TBC1D1: variants seen among roughly 807,000 people sequenced by gnomAD.
TBC1D1 encodes TBC1 (tre-2/USP6, BUB2, cdc16) domain family, member 1.
TBC1D1 carries 89 observed loss-of-function variants against 125.6 expected under a neutral mutation model. The observed-to-expected ratio is 0.71, with a 90% confidence interval of 0.60 to 0.85. The LOEUF is 0.85. TBC1D1 is among the 40% of genes least tolerant of loss of function. The pLI is 0.00. For synonymous variants in TBC1D1, 565 were observed against 564.1 expected (o/e 1.00, Z -0.02); for missense variants, 1,377 against 1,469.2 (o/e 0.94, Z 1.03).
intron 2 of TBC1D1, among the ~76,000 whole-genome samples, chr4:38,009,272 C>T (rs1296290508): frequency 6.6e-6 from 1 of 152,112 alleles, no homozygotes; most frequent in Non-Finnish European, 1.5e-5. Context: ...AATGAGAAAG[C>T]ATTTCATCTA....
chr4:38,049,226 CAT>C (rs754785236), intron 10 of TBC1D1, among the ~76,000 whole-genome samples: 12 of 152,152 alleles, frequency 7.9e-5, no homozygotes, highest in African/African-American at 2.4e-4. Flanking sequence ...TGAGTGAACA[CAT>C]GTGGCAAAGA....
chr4:38,104,003 C>T (rs756498065), intron 15 of TBC1D1, among the ~76,000 whole-genome samples: 23 of 151,238 alleles, frequency 1.5e-4, no homozygotes, highest in Non-Finnish European at 2.9e-4. Context: ...ACTAAAAATA[C>T]AAAAAAATTA....
At chr4:38,068,784 A>G (rs1289914562) in intron 12 of TBC1D1, among the ~76,000 whole-genome samples, 1 of 152,208 alleles carries the variant, frequency 6.6e-6, no homozygotes, top group Non-Finnish European at 1.5e-5. Flanking sequence ...GAGAGTGGCT[A>G]CCATATTGAG....
At chr4:38,112,162 G>A (rs1762298769) in intron 15 of TBC1D1, 1 of 744,774 alleles carries the variant, frequency 1.3e-6, no homozygotes, top group South Asian at 6.1e-5. Context: ...CTAGGTGGTG[G>A]TGGTGATTAT....
chr4:37,965,700 C>T (rs1267973989), intron 2 of TBC1D1, among the ~76,000 whole-genome samples: 3 of 152,034 alleles, frequency 2.0e-5, no homozygotes, highest in East Asian at 1.9e-4. Context: ...TGACCCTGAG[C>T]GAAGGCTGCC....
Position 38,036,153 on chromosome 4 carries a change from A to G in TBC1D1, c.1413+455A>G, listed in dbSNP as rs548535382. On this transcript the variant is annotated intron_variant, in intron 8 of 19. Transcript: ENST00000261439. The stretch of plus-strand genomic sequence containing the variant: ...TGTTGGCAAGCCTGACTTATGTGCT[A>G]TTCAGGTTAGAACTTGGATTAATTC... Among the ~76,000 whole-genome samples the G allele has an allele frequency of 5.3e-5, 8 of 152,368 alleles. No individual in the cohort carries two copies. In the South Asian group the frequency reaches 1.4e-3, roughly 28 times the overall value.
rs1212357449 is a variant in TBC1D1 at position 38,051,809 on chromosome 4, C to CACA, written c.1910+1911_1910+1912insACA. On this transcript the variant is annotated intron_variant, in intron 11 of 19. Transcript: ENST00000261439. ...TGTTACTGGAACAACGAGACAAAAG[C>CACA]GGTGTGCTCCTTCCACCTGTTTGCT... 4 of 1,264,078 alleles carry CACA rather than the reference C, an allele frequency of 3.2e-6. No individual in the cohort carries two copies. The African/African-American group carries it at 6.0e-5, about 19-fold the overall frequency. The allele number at this position is 1,264,078 out of a possible 1,614,324, so 78.3% of individuals were successfully genotyped here.
At chr4:38,051,992 G>A (rs747482887) in intron 11 of TBC1D1, 50 of 1,550,742 alleles carry the variant, frequency 3.2e-5, no homozygotes, top group Middle Eastern at 3.3e-4. Flanking sequence ...CCGCCTCCTC[G>A]CCAAACTTTT....
chr4:38,074,764 CT>C (rs10581033), intron 12 of TBC1D1, among the ~76,000 whole-genome samples: 14,191 of 142,472 alleles, frequency 0.1, 720 homozygotes, highest in East Asian at 0.13. Flanking sequence ...GTCTCTCTCT[CT>C]TTTTTTTTTT....
At chr4:38,090,365 T>A (rs929586604) in intron 13 of TBC1D1, among the ~76,000 whole-genome samples, 1 of 152,254 alleles carries the variant, frequency 6.6e-6, no homozygotes, top group Non-Finnish European at 1.5e-5. Context: ...TTAGAACTTC[T>A]GAGATCCAAG....
At chr4:38,040,770 CACTT>C (rs1220367175) in intron 8 of TBC1D1, among the ~76,000 whole-genome samples, 9 of 152,160 alleles carry the variant, frequency 5.9e-5, no homozygotes, top group Admixed American at 5.2e-4. Context: ...CCTGGACAGG[CACTT>C]ACACTTGGTC....
At chr4:37,908,534 C>T (rs926552274) in intron 2 of TBC1D1, among the ~76,000 whole-genome samples, 1 of 152,132 alleles carries the variant, frequency 6.6e-6, no homozygotes, top group Admixed American at 6.6e-5. Flanking sequence ...ACTGGCATTT[C>T]TTATCGCACT....
At chr4:37,952,331 A>G (rs1239148742) in intron 2 of TBC1D1, 3 of 486,084 alleles carry the variant, frequency 6.2e-6, no homozygotes, top group African/African-American at 5.8e-5. Flanking sequence ...ATCTTGTGCT[A>G]AATCACTGAT....
At chr4:37,913,334 C>T (rs1205319110) in intron 2 of TBC1D1, among the ~76,000 whole-genome samples, 1 of 152,138 alleles carries the variant, frequency 6.6e-6, no homozygotes, top group Non-Finnish European at 1.5e-5. Flanking sequence ...CACGGTGGCT[C>T]AGGCCTGTAA....
At chr4:38,064,649 A>G (rs1753364297) in intron 12 of TBC1D1, among the ~76,000 whole-genome samples, 1 of 147,798 alleles carries the variant, frequency 6.8e-6, no homozygotes, top group Non-Finnish European at 1.5e-5. Flanking sequence ...TTTTTGAGAC[A>G]ATCTTGCTCT....
chr4:38,042,046 C>A (rs983350032), intron 8 of TBC1D1, among the ~76,000 whole-genome samples: 5 of 151,892 alleles, frequency 3.3e-5, no homozygotes, highest in Admixed American at 3.3e-4. Context: ...TGTGGTGGCG[C>A]ACACTTGTAG....
Position 38,014,875 on chromosome 4 carries a change from A to G in TBC1D1, c.784A>G (p.Ser262Gly). The G allele has an allele frequency of 1.9e-6, 3 of 1,610,380 alleles. No homozygotes were observed. Among genetic ancestry groups the G allele is most frequent in the Non-Finnish European group, 2.5e-6 (3 of 1,177,188 alleles). ...GGGCCTCCGAAGCAGCGGCTTCTTC[A>G]GCTCCTTCGAGGAGAGCGACATTGA... Residue 262 changes from serine to glycine, a missense_variant, in exon 3 of 20, where the codon AGC (serine) becomes GGC (glycine). This residue lies in a region of TBC1D1 where 822 missense variants were observed against 824.6 expected (regional missense o/e 1.00). Transcript: ENST00000261439. This position sits in a 1 kb window ranked among gnomAD's most constrained non-coding sequence, Gnocchi z 5.1.
intron 15 of TBC1D1, among the ~76,000 whole-genome samples, chr4:38,113,583 G>A (rs555852088): frequency 4.1e-4 from 62 of 152,336 alleles, no homozygotes; most frequent in South Asian, 3.7e-3. Flanking sequence ...GATACCAGAC[G>A]GAGGGGTCCA....
At chr4:38,117,000 T>G (rs776725131) in intron 16 of TBC1D1, among the ~76,000 whole-genome samples, 15 of 152,228 alleles carry the variant, frequency 9.9e-5, no homozygotes, top group Non-Finnish European at 7.3e-5. Flanking sequence ...CATAACACTT[T>G]CCACATGTAC....
Sources: gnomAD v4.1 joint callset for allele counts (sites outside exome capture counted in the v4.1 genomes callset) on GRCh38, gnomAD v4.1.1 for gene constraint, gnomAD v4.1.1 regional missense constraint, Gnocchi (gnomAD v3.1) non-coding constraint, MANE v1.5 for transcripts, NCBI Gene and HGNC (gene_info 2026-07-23, HGNC 2026-07-21) for gene names.